The following VPS35L variants were observed in gnomAD, a reference collection of about 807,000 sequenced individuals.
The protein encoded by VPS35L is VPS35 endosomal protein sorting factor like, also known as VPS35 endosomal protein-sorting factor-like.
VPS35L carries 83 observed loss-of-function variants against 133.0 expected under a neutral mutation model. The observed-to-expected ratio is 0.62, with a 90% CI of 0.52 to 0.75. The LOEUF (loss-of-function observed/expected upper bound fraction) is 0.75, where lower values mean the gene tolerates loss of function less well. Among genes scored for constraint, VPS35L ranks in the 30% least tolerant of loss-of-function variants. VPS35L has a pLI of 0.00. For synonymous variants in VPS35L, 423 were observed against 449.9 expected (o/e 0.94, Z 0.76); for missense variants, 1,083 against 1,206.8 (o/e 0.90, Z 1.52).
At chr16:19,565,302 C>A (rs1971154630) in intron 2 of VPS35L, among the ~76,000 whole-genome samples, 2 of 151,752 alleles carry the variant, frequency 1.3e-5, no homozygotes, top group Admixed American at 1.3e-4. Flanking sequence ...ACAGTCTGTC[C>A]ACCTCCACCT....
intron 1 of VPS35L, among the ~76,000 whole-genome samples, chr16:19,559,794 C>G (rs1278362843): frequency 6.6e-6 from 1 of 152,026 alleles, no homozygotes; most frequent in Non-Finnish European, 1.5e-5. Context: ...TCAAGCAATT[C>G]TCGTGCTTCA....
chr16:19,577,721 T>C (rs1435308694), intron 5 of VPS35L, among the ~76,000 whole-genome samples: 2 of 152,106 alleles, frequency 1.3e-5, no homozygotes, highest in Admixed American at 6.5e-5. Flanking sequence ...GATTAGGTCA[T>C]GAGGGTGGAA....
chr16:19,557,252 A>T (rs1429455356), intron 1 of VPS35L, among the ~76,000 whole-genome samples: 1 of 152,224 alleles, frequency 6.6e-6, no homozygotes, highest in Non-Finnish European at 1.5e-5. Flanking sequence ...ATCCAGGAAG[A>T]TGCTGTCTTA....
At chr16:19,576,195 A>G (rs1246343678) in intron 5 of VPS35L, among the ~76,000 whole-genome samples, 2 of 146,082 alleles carry the variant, frequency 1.4e-5, no homozygotes, top group Non-Finnish European at 1.5e-5. Flanking sequence ...AAAAAAAAAC[A>G]AAGAGGTTAC....
At chr16:19,695,504 A>G (rs1378498116) in intron 29 of VPS35L, among the ~76,000 whole-genome samples, 1 of 152,170 alleles carries the variant, frequency 6.6e-6, no homozygotes, top group African/African-American at 2.4e-5. Flanking sequence ...ATGTCTGTCC[A>G]TATGTGCACA....
rs1486361744 is a variant in VPS35L at position 19,669,147 on chromosome 16, TTC to T, written c.2222-11_2222-10del. 1 of 1,593,758 alleles carries T rather than the reference TTC, an allele frequency of 6.3e-7. No homozygotes were observed. Among genetic ancestry groups the T allele is most frequent in the Non-Finnish European group, 8.6e-7 (1 of 1,166,954 alleles). ...GAGTTCTAATATACTGACTTTTATCTTCTGTCTTGCAGCTGATGCTTTTTTCA... is the reference window on the plus strand; with the variant it reads ...GAGTTCTAATATACTGACTTTTATCTTGTCTTGCAGCTGATGCTTTTTTCA... On this transcript the variant is annotated splice_polypyrimidine_tract_variant and intron_variant, in intron 26 of 30. Transcript: ENST00000417362.
rs1325380092 is a variant in VPS35L, at chr16:19,699,583, A to G, written c.2728A>G (p.Asn910Asp). ...AHGDLRNNKL[N>D]QLSVNLWHLA... ...TGGGGACCTACGCAACAACAAGCTC[A>G]ACCAGCTCTCCGTCAACCTGTGGCA... Residue 910 changes from asparagine to aspartate, a missense_variant, in exon 30 of 31, where the codon AAC (asparagine) becomes GAC (aspartate). Transcript: ENST00000417362. The surrounding 1 kb of genome is among the most constrained non-coding windows in gnomAD (Gnocchi z 4.2). The G allele has an allele frequency of 3.1e-6, 5 of 1,613,812 alleles. No individual in the cohort carries two copies. In the African/African-American group the frequency reaches 6.7e-5, roughly 22 times the overall value.
chr16:19,682,317 C>T lies in VPS35L; in HGVS notation c.2454C>T (p.Ile818=), dbSNP rs1176574976. Residue 818 remains isoleucine (I), a synonymous_variant, in exon 28 of 31, where the codon ATC becomes ATT. Transcript: ENST00000417362. ...GGGAGGACAACAGCGATGAGAAAAT[C>T]CGCATCTACACCTGCGTCCTGCATC... ...YTWEDNSDEK[I]RIYTCVLHLL... The T allele has an allele frequency of 6.2e-7, 1 of 1,614,036 alleles. No individual in the cohort carries two copies. Among genetic ancestry groups the T allele is most frequent in the Admixed American group, 1.7e-5 (1 of 59,994 alleles).
intron 11 of VPS35L, 55 bp downstream of exon 11, chr16:19,609,076 G>A (rs1972626567): frequency 6.9e-7 from 1 of 1,454,024 alleles, no homozygotes; most frequent in East Asian, 2.3e-5. Context: ...TCTCCCATGT[G>A]TACACAGATA....
chr16:19,601,596 A>G, intron 8 of VPS35L, 68 bp from the exon 9 acceptor site: 1 of 1,492,980 alleles, frequency 6.7e-7, no homozygotes, highest in East Asian at 2.3e-5. Flanking sequence ...TCCCTAATTA[A>G]CAAACATTTA....
intron 12 of VPS35L, among the ~76,000 whole-genome samples, chr16:19,612,043 A>G (rs146613702): frequency 2.5e-4 from 38 of 150,856 alleles, no homozygotes; most frequent in Middle Eastern, 3.4e-3. Context: ...GGTTCAAGCA[A>G]TTCTTCTGCT....
intron 3 of VPS35L, among the ~76,000 whole-genome samples, chr16:19,570,473 C>T (rs556691650): frequency 2.0e-5 from 3 of 152,196 alleles, no homozygotes; most frequent in African/African-American, 7.2e-5. Flanking sequence ...CAGATAAAGT[C>T]ATGTAGAGCA....
chr16:19,608,182 C>T lies in VPS35L; in HGVS notation c.789C>T (p.His263=), dbSNP rs1555500040. Residue 263 remains histidine (H), a synonymous_variant, in exon 10 of 31, where the codon CAC becomes CAT. Transcript: ENST00000417362. ...CVDSRSVLPD[H]FSPENANDTA... is the part of the protein sequence containing the mutation. The stretch of plus-strand genomic sequence containing the variant: ...ATCTTGTTTTTTGTATTACAGATCA[C>T]TTTTCTCCAGAGAATGCAAATGACA... 2 of 1,612,154 alleles carry T rather than the reference C, an allele frequency of 1.2e-6. No individual in the cohort carries two copies. Among genetic ancestry groups the T allele is most frequent in the Non-Finnish European group, 1.7e-6 (2 of 1,178,476 alleles).
At chr16:19,613,340 G>T (rs1972785590) in intron 12 of VPS35L, among the ~76,000 whole-genome samples, 1 of 147,936 alleles carries the variant, frequency 6.8e-6, no homozygotes, top group Non-Finnish European at 1.5e-5. Flanking sequence ...GTATTAGTAA[G>T]ATTTCTTTCA....
chr16:19,565,067 T>TG, intron 2 of VPS35L, 117 bp downstream of exon 2: 1 of 760,140 alleles, frequency 1.3e-6, no homozygotes, highest in Non-Finnish European at 2.1e-6. Flanking sequence ...TTGATTTTTT[T>TG]TTTTTTTTCA....
chr16:19,636,656 T>G (rs1973631343), intron 19 of VPS35L, among the ~76,000 whole-genome samples: 1 of 152,232 alleles, frequency 6.6e-6, no homozygotes, highest in African/African-American at 2.4e-5. Flanking sequence ...TGTTCTGTTT[T>G]TAGAACATGA....
Position 19,586,331 on chromosome 16 carries a change from ATATT to A in VPS35L, c.639+4700_639+4703del, listed in dbSNP as rs559790762. Among the ~76,000 whole-genome samples, 33 of 147,402 alleles carry A rather than the reference ATATT, an allele frequency of 2.2e-4. 1 individual carries two copies. Among genetic ancestry groups the A allele is most frequent in the South Asian group, 1.7e-3 (8 of 4,654 alleles). ...TGGAAGTATGTATGTATGTATGTGTATATTTATTTATTTATTTATTTATTTGAGA... is the reference window on the plus strand; with the variant it reads ...TGGAAGTATGTATGTATGTATGTGTATATTTATTTATTTATTTATTTGAGA... On this transcript the variant is annotated intron_variant, in intron 7 of 30. Transcript: ENST00000417362.
At chr16:19,653,447 C>A (rs561451932) in intron 26 of VPS35L, among the ~76,000 whole-genome samples, 1 of 152,204 alleles carries the variant, frequency 6.6e-6, no homozygotes, top group Non-Finnish European at 1.5e-5. Flanking sequence ...GTGGCTGGTG[C>A]CTTATTACCC....
At chr16:19,565,710 C>T (rs1971168453) in intron 2 of VPS35L, among the ~76,000 whole-genome samples, 1 of 152,158 alleles carries the variant, frequency 6.6e-6, no homozygotes, top group South Asian at 2.1e-4. Context: ...TTGGCCTCAC[C>T]TAGCACCATT....
Sources: gnomAD v4.1 joint callset for allele counts (sites outside exome capture counted in the v4.1 genomes callset) on GRCh38, gnomAD v4.1.1 for gene constraint, Gnocchi (gnomAD v3.1) non-coding constraint, MANE v1.5 for transcripts, NCBI Gene and HGNC (gene_info 2026-07-23, HGNC 2026-07-21) for gene names.